The following WFDC1 variants were observed in gnomAD, a reference collection of about 807,000 sequenced individuals.
WFDC1 encodes WAP four-disulfide core domain protein 1.
A neutral mutation model predicts 32.9 loss-of-function variants in WFDC1; 39 were observed. The ratio of observed to expected loss-of-function variants is 1.19; its 90% CI spans 0.92 to 1.55. The LOEUF (loss-of-function observed/expected upper bound fraction) is 1.55. WFDC1 is among the 40% of genes most tolerant of loss of function. The probability of loss-of-function intolerance (pLI) is 0.00; values close to 1 mark genes in which losing one functional copy is unlikely to be tolerated. For synonymous variants in WFDC1, 184 were observed against 137.4 expected (o/e 1.34, Z -2.37); for missense variants, 386 against 309.5 (o/e 1.25, Z -1.85).
intron 1 of WFDC1, among the ~76,000 whole-genome samples, chr16:84,297,742 T>C (rs1367621132): frequency 6.6e-6 from 1 of 151,510 alleles, no homozygotes; most frequent in Non-Finnish European, 1.5e-5. Context: ...CTGGAACTTA[T>C]CACAGTGAAA....
At chr16:84,299,872 A>C (rs971590320) in intron 1 of WFDC1, among the ~76,000 whole-genome samples, 1 of 152,064 alleles carries the variant, frequency 6.6e-6, no homozygotes, top group African/African-American at 2.4e-5. Context: ...TTCTCTTTCA[A>C]ATGCATCCTG....
chr16:84,320,027 G>A (rs1660763665), intron 4 of WFDC1, among the ~76,000 whole-genome samples: 1 of 151,522 alleles, frequency 6.6e-6, no homozygotes, highest in African/African-American at 2.4e-5. Context: ...ACTTACGATG[G>A]TCAACTTAAG....
Position 84,313,119 on chromosome 16 carries a change from C to A in WFDC1, c.303C>A (p.Ala101=). 1 of 1,445,124 alleles carries A rather than the reference C, an allele frequency of 6.9e-7. No homozygotes were observed. The highest frequency in any genetic ancestry group is 9.0e-7 in the Non-Finnish European group (1 of 1,108,028). 89.5% of individuals were successfully genotyped at this position (1,445,124 alleles called of 1,614,324 possible). A position where few individuals can be genotyped will look rare whatever the true frequency, so the allele number is the denominator to read the frequency against. The change falls in exon 2 of 7, where the codon GCC becomes GCA. Residue 101 remains alanine (A), a synonymous_variant. Transcript: ENST00000219454. Reference sequence around the variant, plus strand: ...GGCGCTGCTGCTACAACGGATGCGCCTACGCCTGCCTAGAAGCTGTGCCGC... The same window carrying A: ...GGCGCTGCTGCTACAACGGATGCGCATACGCCTGCCTAGAAGCTGTGCCGC... The part of the protein sequence containing the change: ...RHRRCCYNGC[A]YACLEAVPPP...
Position 84,313,060 on chromosome 16 carries a change from C to T in WFDC1, c.244C>T (p.Arg82Cys), listed in dbSNP as rs544235424. 160 of 1,397,742 alleles carry T rather than the reference C, an allele frequency of 1.1e-4. 1 individual carries two copies. The African/African-American group carries it at 1.6e-3, about 14-fold the overall frequency. The allele number at this position is 1,397,742 out of a possible 1,614,324, so 86.6% of individuals were successfully genotyped here. ...GCCCCCCGGCGCCTGCCAGGCCGCGCGCTGTCAGGCGGACTCCGAGTGCCC... is the reference window on the plus strand; with the variant it reads ...GCCCCCCGGCGCCTGCCAGGCCGCGTGCTGTCAGGCGGACTCCGAGTGCCC... ...TLPPGACQAA[R>C]CQADSECPRH... The change falls in exon 2 of 7, where the codon CGC becomes TGC. Residue 82 changes from arginine to cysteine, a missense_variant. Coordinates refer to ENST00000219454, the MANE Select transcript of WFDC1 (RefSeq NM_021197.4).
At chr16:84,323,013 A>C (rs554168991) in intron 4 of WFDC1, among the ~76,000 whole-genome samples, 170 of 152,358 alleles carry the variant, frequency 1.1e-3, no homozygotes, top group African/African-American at 3.9e-3. Flanking sequence ...TCCGGGGTCC[A>C]CATTTACCTC....
intron 2 of WFDC1, 42 bp from the exon 3 acceptor site, chr16:84,318,230 G>C (rs1908072847): frequency 1.1e-5 from 17 of 1,606,570 alleles, no homozygotes; most frequent in Non-Finnish European, 1.4e-5. Context: ...GCGTTTCTCA[G>C]CTGCTTGAGG....
chr16:84,297,163 C>G (rs558773950), intron 1 of WFDC1, among the ~76,000 whole-genome samples: 5 of 152,272 alleles, frequency 3.3e-5, no homozygotes, highest in Admixed American at 6.5e-5. Context: ...GTCTCTAAAA[C>G]ACAGGCCTGG....
chr16:84,326,588 T>G, intron 5 of WFDC1: 4 of 370,342 alleles, frequency 1.1e-5, no homozygotes, highest in African/African-American at 2.0e-5. Flanking sequence ...CAGAATGGCA[T>G]GTGTGAAGCT....
chr16:84,312,938 C>G (rs1295680194), intron 1 of WFDC1, 23 bp from the exon 2 acceptor site: 27 of 1,150,116 alleles, frequency 2.3e-5, no homozygotes, highest in Admixed American at 9.5e-5. Context: ...CCCAGAGCTG[C>G]TGACACCGCC....
intron 4 of WFDC1, among the ~76,000 whole-genome samples, 199 bp downstream of exon 4, chr16:84,319,770 C>G (rs1261254510): frequency 6.6e-6 from 1 of 152,168 alleles, no homozygotes; most frequent in Non-Finnish European, 1.5e-5. Context: ...TAGCATGTGA[C>G]CGAAGCTCTT....
At chr16:84,310,436 A>G (rs1907542290) in intron 1 of WFDC1, among the ~76,000 whole-genome samples, 1 of 152,174 alleles carries the variant, frequency 6.6e-6, no homozygotes, top group Non-Finnish European at 1.5e-5. Context: ...AGTCTAGATT[A>G]AGCCAGGACT....
At chr16:84,297,637 A>C (rs993293194) in intron 1 of WFDC1, among the ~76,000 whole-genome samples, 5 of 149,124 alleles carry the variant, frequency 3.4e-5, no homozygotes, top group Non-Finnish European at 4.5e-5. Flanking sequence ...AAAAAAAAAA[A>C]AAAAAAAAAA....
At chr16:84,312,276 C>A (rs1567657332) in intron 1 of WFDC1, among the ~76,000 whole-genome samples, 1 of 152,172 alleles carries the variant, frequency 6.6e-6, no homozygotes, top group Non-Finnish European at 1.5e-5. Flanking sequence ...AGCCCCCAGA[C>A]CAAGAAACAG....
Position 84,295,205 on chromosome 16 carries a change from G to A in WFDC1, c.144+90G>A, listed in dbSNP as rs557781581. 25 of 1,521,922 alleles carry A rather than the reference G, an allele frequency of 1.6e-5. No individual in the cohort carries two copies. In the East Asian group the frequency reaches 3.0e-4, roughly 18 times the overall value. The allele number at this position is 1,521,922 out of a possible 1,614,324, so 94.3% of individuals were successfully genotyped here. On this transcript the variant is annotated intron_variant, in intron 1 of 6. Coordinates refer to ENST00000219454, the MANE Select transcript of WFDC1 (RefSeq NM_021197.4). Reference sequence around the variant, plus strand: ...CGATCCCTAGACACTGCCTTCTCCTGTAAGTGCTCCCCCAAAACGTGGCAA... The same window carrying A: ...CGATCCCTAGACACTGCCTTCTCCTATAAGTGCTCCCCCAAAACGTGGCAA...
At chr16:84,298,488 C>G (rs564502930) in intron 1 of WFDC1, among the ~76,000 whole-genome samples, 10 of 152,242 alleles carry the variant, frequency 6.6e-5, no homozygotes, top group Middle Eastern at 3.4e-3. Flanking sequence ...TCTTTTGCAT[C>G]CGTGTGGTAT....
At chr16:84,328,336 A>C (rs2151381907) in intron 6 of WFDC1, 1 of 152,350 alleles carries the variant, frequency 6.6e-6, no homozygotes, top group African/African-American at 2.4e-5. Flanking sequence ...GTGGAGTTGC[A>C]GCCCTAAACC....
chr16:84,300,485 C>G (rs1906871149), intron 1 of WFDC1, among the ~76,000 whole-genome samples: 1 of 152,278 alleles, frequency 6.6e-6, no homozygotes, highest in South Asian at 2.1e-4. Context: ...ACTCCCTGCA[C>G]TCGAATCCTG....
rs1908076067 is a variant in WFDC1 at position 84,318,262 on chromosome 16, A to C, written c.338-10A>C. 6.2e-7 allele frequency: 1 copy of C among 1,613,904 alleles called. No individual in the cohort carries two copies. Among genetic ancestry groups the C allele is most frequent in the East Asian group, 2.2e-5 (1 of 44,868 alleles). On this transcript the variant is annotated splice_polypyrimidine_tract_variant and intron_variant, in intron 2 of 6. Coordinates refer to ENST00000219454, the MANE Select transcript of WFDC1 (RefSeq NM_021197.4). ...GAGGAGGGCCCTGATCTGACCCCGTATTGTGTTAGTCTTAGACTGGCTGGT... is the reference window on the plus strand; with the variant it reads ...GAGGAGGGCCCTGATCTGACCCCGTCTTGTGTTAGTCTTAGACTGGCTGGT...
intron 5 of WFDC1, among the ~76,000 whole-genome samples, chr16:84,324,782 A>T (rs1212563638): frequency 6.6e-6 from 1 of 152,004 alleles, no homozygotes; most frequent in Non-Finnish European, 1.5e-5. Context: ...TCATCCATTG[A>T]TCCATCCATC....
Sources: gnomAD v4.1 joint callset for allele counts (sites outside exome capture counted in the v4.1 genomes callset) on GRCh38, gnomAD v4.1.1 for gene constraint, MANE v1.5 for transcripts, NCBI Gene and HGNC (gene_info 2026-07-23, HGNC 2026-07-21) for gene names.